Variants in ACOT11 observed in about 807,000 individuals in gnomAD.
ACOT11 encodes the protein acyl-CoA thioesterase 11, also known as acyl-coenzyme A thioesterase 11.
Under a neutral mutation model 77.5 loss-of-function variants are expected in ACOT11, and 69 were observed. That is an observed-to-expected ratio of 0.89 (90% CI 0.73 to 1.09). The LOEUF (loss-of-function observed/expected upper bound fraction) is 1.09, where lower values mean the gene tolerates loss of function less well. ACOT11 is among the 50% of genes least tolerant of loss of function. ACOT11 has a pLI of 0.00. For synonymous variants in ACOT11, 279 were observed against 313.0 expected (o/e 0.89, Z 1.15); for missense variants, 766 against 813.7 (o/e 0.94, Z 0.71).
intron 15 of ACOT11, among the ~76,000 whole-genome samples, chr1:54,626,114 G>A (rs541467609): frequency 2.8e-4 from 43 of 151,658 alleles, no homozygotes; most frequent in African/African-American, 1.0e-3. Flanking sequence ...ACAAAAATTA[G>A]CTGGGCATAG....
At chr1:54,568,334 GTCTGTTT>G (rs1653808341) in intron 1 of ACOT11, among the ~76,000 whole-genome samples, 2 of 140,328 alleles carry the variant, frequency 1.4e-5, no homozygotes, top group African/African-American at 5.2e-5. Flanking sequence ...AAGACACTAT[GTCTGTTT>G]AAGGTTTTCC....
chr1:54,600,355 G>C (rs1044398556), intron 8 of ACOT11, among the ~76,000 whole-genome samples: 21 of 152,166 alleles, frequency 1.4e-4, no homozygotes, highest in African/African-American at 4.8e-4. Context: ...CAAAGTGAGG[G>C]GGAATGGTGG....
At chr1:54,551,326 TCTGGTCCCTACTCGCCC>T (rs558475523) in intron 1 of ACOT11, among the ~76,000 whole-genome samples, 61 of 152,118 alleles carry the variant, frequency 4.0e-4, no homozygotes, top group African/African-American at 1.2e-3. Flanking sequence ...GTTCAAGGGC[TCTGGTCCCTACTCGCCC>T]CTGGGTACCC....
chr1:54,636,500 C>T (rs1644331260), exon 17 of ACOT11: 1 of 152,238 alleles, frequency 6.6e-6, no homozygotes, highest in South Asian at 2.1e-4. Flanking sequence ...AGGCGGTTTT[C>T]CCCTATCTCA....
intron 1 of ACOT11, among the ~76,000 whole-genome samples, chr1:54,563,970 G>A (rs1430847576): frequency 1.3e-5 from 2 of 151,850 alleles, no homozygotes; most frequent in Non-Finnish European, 2.9e-5. Flanking sequence ...GGAGGCTGAG[G>A]CAGGAGAATC....
rs747114381 is a variant in ACOT11 at position 54,609,358 on chromosome 1, C to A, written c.*246C>A. ...GGGTCCTGTCCACAGCCCTAGCTGC[C>A]AGCAATGCTGTCCTCACAGAGGCAT... On this transcript the variant is annotated 3_prime_UTR_variant, in exon 16 of 16. Transcript: ENST00000343744. 1.2e-6 allele frequency: 2 copies of A among 1,614,074 alleles called. No individual in the cohort carries two copies. Among genetic ancestry groups the A allele is most frequent in the Non-Finnish European group, 8.5e-7 (1 of 1,180,028 alleles).
At chr1:54,618,186 C>G (rs1288625570) in intron 15 of ACOT11, among the ~76,000 whole-genome samples, 1 of 152,134 alleles carries the variant, frequency 6.6e-6, no homozygotes, top group Non-Finnish European at 1.5e-5. Flanking sequence ...ACCTCCTGCT[C>G]ATCCTTTAGT....
chr1:54,585,156 G>A (rs1654452802), intron 2 of ACOT11, among the ~76,000 whole-genome samples: 1 of 152,202 alleles, frequency 6.6e-6, no homozygotes, highest in African/African-American at 2.4e-5. Flanking sequence ...TGGAGATGCT[G>A]TTGAGCAAAG....
At chr1:54,594,512 G>A in intron 5 of ACOT11, 44 bp from the exon 6 acceptor site, 2 of 1,584,020 alleles carry the variant, frequency 1.3e-6, no homozygotes, top group South Asian at 1.2e-5. Flanking sequence ...GCTATTTCAG[G>A]AGACTTGCCC....
exon 17 of ACOT11, chr1:54,638,633 C>G (rs957297435): frequency 6.6e-6 from 1 of 152,132 alleles, no homozygotes. Flanking sequence ...GCTGGGATTA[C>G]AGGCATGAGC....
chr1:54,577,782 T>C (rs1654167333), intron 1 of ACOT11, among the ~76,000 whole-genome samples: 1 of 152,244 alleles, frequency 6.6e-6, no homozygotes, highest in African/African-American at 2.4e-5. Context: ...CCACCAGTAA[T>C]GTACACAGGT....
chr1:54,615,697 G>C (rs1317264553), intron 15 of ACOT11, among the ~76,000 whole-genome samples: 2 of 152,142 alleles, frequency 1.3e-5, no homozygotes, highest in African/African-American at 4.8e-5. Context: ...GGAAGGGTGG[G>C]GCTGGGCTTT....
At chr1:54,608,210 G>A (rs1453427733) in intron 15 of ACOT11, 142 bp downstream of exon 15, 3 of 746,062 alleles carry the variant, frequency 4.0e-6, no homozygotes, top group Non-Finnish European at 6.3e-6. Flanking sequence ...GGGAGCCTGA[G>A]AGTGTCAGGG....
At chr1:54,618,005 G>A (rs1644192849) in intron 15 of ACOT11, among the ~76,000 whole-genome samples, 1 of 152,166 alleles carries the variant, frequency 6.6e-6, no homozygotes, top group East Asian at 1.9e-4. Flanking sequence ...GGAATTACAG[G>A]CATGAGCCAC....
chr1:54,611,703 C>T (rs199978172), downstream of ACOT11: 14 of 1,614,002 alleles, frequency 8.7e-6, no homozygotes, highest in African/African-American at 8.0e-5. Context: ...GATCTTCCAC[C>T]GACATGGGGT....
At chr1:54,638,074 G>A (rs1644341177) in exon 17 of ACOT11, 1 of 152,088 alleles carries the variant, frequency 6.6e-6, no homozygotes, top group African/African-American at 2.4e-5. Context: ...CTCCCACCAT[G>A]GCATCCTAAA....
chr1:54,597,606 T>C, intron 7 of ACOT11, 191 bp downstream of exon 7: 2 of 738,784 alleles, frequency 2.7e-6, no homozygotes, highest in South Asian at 3.9e-5. Flanking sequence ...CTAGCATCTT[T>C]TACATGGGAA....
intron 16 of ACOT11, among the ~76,000 whole-genome samples, chr1:54,631,125 C>G (rs1644297327): frequency 6.6e-6 from 1 of 152,126 alleles, no homozygotes; most frequent in Non-Finnish European, 1.5e-5. Flanking sequence ...AAAATGACTC[C>G]CCAGATCTTT....
At chr1:54,559,867 G>C (rs1295515571) in intron 1 of ACOT11, among the ~76,000 whole-genome samples, 1 of 152,158 alleles carries the variant, frequency 6.6e-6, no homozygotes, top group African/African-American at 2.4e-5. Flanking sequence ...AGGGGCCCTG[G>C]GTGCTGAAGC....
Sources: allele counts gnomAD v4.1 joint callset (sites outside exome capture counted in the v4.1 genomes callset), GRCh38; gene constraint gnomAD v4.1.1; transcripts MANE v1.5; gene names NCBI Gene and HGNC (gene_info 2026-07-23, HGNC 2026-07-21).